COX6B1: variants seen among roughly 807,000 people sequenced by gnomAD.
COX6B1 encodes the protein COX VIb-1.
In COX6B1, 2 loss-of-function variants were observed where a neutral mutation model predicts 14.0. That is an observed-to-expected ratio of 0.14 (90% CI 0.06 to 0.45). The LOEUF (loss-of-function observed/expected upper bound fraction) is 0.45, where lower values mean the gene tolerates loss of function less well. COX6B1 is among the 20% of genes least tolerant of loss of function. COX6B1 has a pLI of 0.98. For synonymous variants in COX6B1, 30 were observed against 39.7 expected (o/e 0.76, Z 0.92); for missense variants, 81 against 114.2 (o/e 0.71, Z 1.33).
At chr19:35,650,601 G>A (rs1006497153) in intron 1 of COX6B1, among the ~76,000 whole-genome samples, 2 of 152,100 alleles carry the variant, frequency 1.3e-5, no homozygotes, top group Admixed American at 6.5e-5. Flanking sequence ...TCAGCTGTTC[G>A]GGAGGCTGAG....
chr19:35,650,004 T>G (rs1002741369), intron 1 of COX6B1, among the ~76,000 whole-genome samples: 1 of 143,788 alleles, frequency 7.0e-6, no homozygotes, highest in African/African-American at 2.6e-5. Flanking sequence ...TTCAAAATTG[T>G]ATTTTTTTTT....
chr19:35,657,167 A>T (rs965562311), intron 3 of COX6B1, among the ~76,000 whole-genome samples: 1 of 151,934 alleles, frequency 6.6e-6, no homozygotes, highest in African/African-American at 2.4e-5. Context: ...ACCATACTAT[A>T]GAATCAGTGG....
At chr19:35,653,527 C>T (rs187204703) in intron 2 of COX6B1, among the ~76,000 whole-genome samples, 14 of 151,328 alleles carry the variant, frequency 9.3e-5, no homozygotes, top group Admixed American at 8.6e-4. Context: ...CTGCCTCGGC[C>T]TCCCAAAGTG....
At chr19:35,653,525 G>A (rs1356412452) in intron 2 of COX6B1, among the ~76,000 whole-genome samples, 3 of 150,888 alleles carry the variant, frequency 2.0e-5, no homozygotes, top group Non-Finnish European at 4.4e-5. Flanking sequence ...GCCTGCCTCG[G>A]CCTCCCAAAG....
chr19:35,654,465 A>C, intron 2 of COX6B1, 106 bp from the exon 3 acceptor site: 55 of 897,044 alleles, frequency 6.1e-5, no homozygotes, highest in East Asian at 9.9e-5. Context: ...CTGAGATCGC[A>C]CCACTGCACT....
chr19:35,656,423 A>G (rs1034150207), intron 3 of COX6B1, among the ~76,000 whole-genome samples: 3 of 151,966 alleles, frequency 2.0e-5, no homozygotes, highest in African/African-American at 2.4e-5. Flanking sequence ...ATGTGTATGT[A>G]AATAAAGTAG....
chr19:35,654,547 T>G, intron 2 of COX6B1, 24 bp from the exon 3 acceptor site: 1 of 1,602,262 alleles, frequency 6.2e-7, no homozygotes, highest in Non-Finnish European at 8.5e-7. Context: ...TGATCTGGGC[T>G]GACTTGAACC....
At position 35,654,599 on chromosome 19, in the gene COX6B1, C is replaced by T. The variant is rs762065955; in HGVS notation, c.135C>T (p.Thr45=). The change falls in exon 3 of 4, where the codon ACC becomes ACT. Residue 45 remains threonine, a synonymous_variant. Transcript: ENST00000649813. ...TCCACCGCTGTCAGAAGGCAATGAC[C>T]GCTAAAGGAGGCGATATCTCTGTGT... ...LDFHRCQKAM[T]AKGGDISVCE... 5.6e-6 allele frequency: 9 copies of T among 1,614,022 alleles called. No individual in the cohort carries two copies. Among genetic ancestry groups the T allele is most frequent in the Admixed American group, 3.3e-5 (2 of 59,990 alleles).
At chr19:35,656,128 C>G (rs2146373269) in intron 3 of COX6B1, among the ~76,000 whole-genome samples, 1 of 152,304 alleles carries the variant, frequency 6.6e-6, no homozygotes, top group East Asian at 1.9e-4. Context: ...CCGCACCCAG[C>G]TGAATCTTTC....
rs528810228 is a variant in COX6B1 at position 35,653,732 on chromosome 19, C to T, written c.107-839C>T. On this transcript the variant is annotated intron_variant, in intron 2 of 3. Transcript: ENST00000649813. The stretch of plus-strand genomic sequence containing the variant: ...AGTAGCTGGGACTACAGGTGCCCGC[C>T]ACCGCGCCCAGCTAATTTTTTGTAT... Among the ~76,000 whole-genome samples the T allele has an allele frequency of 1.2e-4, 18 of 152,046 alleles. No individual in the cohort carries two copies. In the South Asian group the frequency reaches 1.2e-3, roughly 11 times the overall value.
chr19:35,648,457 C>G (rs1183617474), intron 1 of COX6B1, 54 bp downstream of exon 1: 1 of 207,740 alleles, frequency 4.8e-6, no homozygotes. Flanking sequence ...GCTGAGGAGC[C>G]GGACCCCAGC....
At chr19:35,656,620 A>G (rs1481288856) in intron 3 of COX6B1, among the ~76,000 whole-genome samples, 2 of 151,348 alleles carry the variant, frequency 1.3e-5, no homozygotes, top group Non-Finnish European at 2.9e-5. Flanking sequence ...GTCTGGGATT[A>G]CAGGCGCCTG....
At position 35,649,344 on chromosome 19, in the gene COX6B1, CAG is replaced by C. The variant is rs768840068; in HGVS notation, c.-12+942_-12+943del. On this transcript the variant is annotated intron_variant, in intron 1 of 3. Coordinates refer to ENST00000649813, the MANE Select transcript of COX6B1 (RefSeq NM_001863.5). The stretch of plus-strand genomic sequence containing the variant: ...TTTTTGTTTTTCTCCTTTTTTGAGA[CAG>C]GGTCACTGTGTCACCCAGGCTGGCG... Among the ~76,000 whole-genome samples, 305 of 152,152 alleles carry C rather than the reference CAG, an allele frequency of 2.0e-3. 1 individual carries two copies. The highest frequency in any genetic ancestry group is 3.6e-3 in the Non-Finnish European group (243 of 67,996).
intron 1 of COX6B1, 37 bp from the exon 2 acceptor site, chr19:35,651,187 CAGGGCCCCT>C: frequency 5.5e-6 from 7 of 1,263,264 alleles, no homozygotes; most frequent in Non-Finnish European, 8.1e-6. Context: ...CTGGCTTGCT[CAGGGCCCCT>C]GGGGCCCCTG....
In COX6B1 at chr19:35,651,530, T is replaced by C. The variant is rs144718160; in HGVS notation, c.106+181T>C. ...GGGTTACAAACTTTAGTTCCTGCAATGATTTTTTTTTTAATTTAAATTTTT... is the reference window on the plus strand; with the variant it reads ...GGGTTACAAACTTTAGTTCCTGCAACGATTTTTTTTTTAATTTAAATTTTT... On this transcript the variant is annotated intron_variant, in intron 2 of 3. Transcript: ENST00000649813. 4.5e-3 allele frequency among the ~76,000 whole-genome samples: 684 copies of C among 152,230 alleles called. 4 individuals carry two copies. The highest frequency in any genetic ancestry group is 0.01 in the Middle Eastern group (3 of 294).
At chr19:35,652,371 G>A (rs1414909339) in intron 2 of COX6B1, among the ~76,000 whole-genome samples, 2 of 151,764 alleles carry the variant, frequency 1.3e-5, no homozygotes, top group Admixed American at 6.6e-5. Context: ...ACAGCACCCC[G>A]CTCTCCCCAG....
At chr19:35,655,327 C>T (rs1967877114) in intron 3 of COX6B1, among the ~76,000 whole-genome samples, 2 of 152,262 alleles carry the variant, frequency 1.3e-5, no homozygotes, top group Admixed American at 6.5e-5. Context: ...CGTGCCCGGC[C>T]CTATTATGAA....
chr19:35,657,650 A>AT (rs1192141047), intron 3 of COX6B1, among the ~76,000 whole-genome samples: 11,451 of 115,444 alleles, frequency 0.099, 720 homozygotes, highest in East Asian at 0.12. Context: ...GGGCCTTTTC[A>AT]TTTTTTTTTT....
At chr19:35,652,778 A>T (rs1414284708) in intron 2 of COX6B1, among the ~76,000 whole-genome samples, 1 of 151,050 alleles carries the variant, frequency 6.6e-6, no homozygotes, top group Admixed American at 6.6e-5. Flanking sequence ...CATGTTTATT[A>T]TTTTATTTTA....
Sources: allele counts gnomAD v4.1 joint callset (sites outside exome capture counted in the v4.1 genomes callset), GRCh38; gene constraint gnomAD v4.1.1; transcripts MANE v1.5; gene names NCBI Gene and HGNC (gene_info 2026-07-23, HGNC 2026-07-21).